The following EDC3 variants were observed in gnomAD, a reference collection of about 807,000 sequenced individuals.
EDC3 encodes enhancer of mRNA decapping 3.
Under a neutral mutation model 41.8 loss-of-function variants are expected in EDC3, and 20 were observed. The observed-to-expected ratio is 0.48, with a 90% CI of 0.34 to 0.70. The LOEUF (loss-of-function observed/expected upper bound fraction) is 0.70, where lower values mean the gene tolerates loss of function less well. Ranked by LOEUF, EDC3 falls within the 30% of genes least tolerant of loss-of-function variation. The pLI, the probability that EDC3 is intolerant of heterozygous loss-of-function variation, is 0.01. For missense variants in EDC3, 444 were observed against 636.8 expected, an observed-to-expected ratio of 0.70 and a Z score of 3.26; for synonymous variants, 206 against 243.2, an observed-to-expected ratio of 0.85 and a Z score of 1.42.
At chr15:74,662,246 T>C (rs1469044813) in intron 3 of EDC3, among the ~76,000 whole-genome samples, 1 of 152,130 alleles carries the variant, frequency 6.6e-6, no homozygotes, top group Non-Finnish European at 1.5e-5. Context: ...CTAGCACTTA[T>C]GCTACATTAC....
Position 74,670,010 on chromosome 15 carries a change from A to ATTT in EDC3, c.484+1442_484+1444dup, listed in dbSNP as rs757043746. On this transcript the variant is annotated intron_variant, in intron 3 of 6. Coordinates refer to ENST00000315127, the MANE Select transcript of EDC3 (RefSeq NM_025083.5). Reference sequence around the variant, plus strand: ...AGGTGCACGCTGCCACGCCCAGCTAATTTTTTTTTTTTTTTTTTTTTTTTT... The same window carrying ATTT: ...AGGTGCACGCTGCCACGCCCAGCTAATTTTTTTTTTTTTTTTTTTTTTTTTTTT... Among the ~76,000 whole-genome samples, 189 of 116,416 alleles carry ATTT rather than the reference A, an allele frequency of 1.6e-3. 1 individual carries two copies. The highest frequency in any genetic ancestry group is 4.5e-3 in the Middle Eastern group (1 of 220). The allele number at this position is 116,416 out of a possible 152,430, so 76.4% of individuals were successfully genotyped here. A position where few individuals can be genotyped will look rare whatever the true frequency, so the allele number is the denominator to read the frequency against.
At chr15:74,695,663 A>C (rs1035273133) in intron 1 of EDC3, 5 of 152,532 alleles carry the variant, frequency 3.3e-5, no homozygotes, top group Non-Finnish European at 7.3e-5. Context: ...TCCCCATACT[A>C]TTTAGAATCC....
intron 3 of EDC3, among the ~76,000 whole-genome samples, chr15:74,669,369 G>A (rs568400740): frequency 4.7e-5 from 7 of 149,426 alleles, no homozygotes; most frequent in African/African-American, 9.9e-5. Context: ...AAAATTAGCC[G>A]GGCATGGCAG....
chr15:74,653,255 C>G, intron 4 of EDC3, among the ~76,000 whole-genome samples: 1 of 151,138 alleles, frequency 6.6e-6, no homozygotes, highest in East Asian at 1.9e-4. Context: ...AAAAATCATA[C>G]TAGGTGATCA....
At chr15:74,677,357 G>GA (rs1178122471) in intron 1 of EDC3, among the ~76,000 whole-genome samples, 2,788 of 135,240 alleles carry the variant, frequency 0.021, 113 homozygotes, top group African/African-American at 0.075. Context: ...ACCATGCCCA[G>GA]CCTTTTTTTT....
At chr15:74,668,059 C>T (rs1049891150) in intron 3 of EDC3, among the ~76,000 whole-genome samples, 2 of 152,090 alleles carry the variant, frequency 1.3e-5, no homozygotes, top group African/African-American at 4.8e-5. Flanking sequence ...GGTACTTTAC[C>T]TCTGTTGTCT....
intron 4 of EDC3, chr15:74,642,315 A>C (rs920901374): frequency 6.6e-6 from 1 of 152,246 alleles, no homozygotes; most frequent in Non-Finnish European, 1.5e-5. Context: ...GGCAACAAAC[A>C]GTGCCATTAG....
At chr15:74,656,117 A>G (rs1352388544) in intron 3 of EDC3, 49 bp from the exon 4 acceptor site, 1 of 1,513,928 alleles carries the variant, frequency 6.6e-7, no homozygotes, top group Admixed American at 2.0e-5. Flanking sequence ...GAAAGCGCTC[A>G]GTGAACGTGG....
chr15:74,637,429 GAC>G (rs1308546723), intron 5 of EDC3: 1 of 152,214 alleles, frequency 6.6e-6, no homozygotes, highest in Non-Finnish European at 1.5e-5. Context: ...AGGTGCAGGA[GAC>G]ACCAGACACA....
intron 3 of EDC3, among the ~76,000 whole-genome samples, chr15:74,658,917 TGACAGAGTGA>T (rs2062586624): frequency 1.3e-5 from 2 of 151,788 alleles, no homozygotes; most frequent in African/African-American, 4.8e-5. Flanking sequence ...CCAGCCTGGG[TGACAGAGTGA>T]GACTCTGTCC....
chr15:74,675,619 T>C (rs1238145295), intron 1 of EDC3, among the ~76,000 whole-genome samples: 1 of 150,580 alleles, frequency 6.6e-6, no homozygotes, highest in Non-Finnish European at 1.5e-5. Flanking sequence ...GTTTCACTAT[T>C]GTTGCCCAGG....
chr15:74,686,065 G>A (rs140557859), intron 1 of EDC3, among the ~76,000 whole-genome samples: 3,555 of 152,084 alleles, frequency 0.023, 141 homozygotes, highest in African/African-American at 0.081. Flanking sequence ...AGTGGCTCAC[G>A]CCTGTAATCC....
At chr15:74,649,060 A>ATTTTTTTT (rs1184258510) in intron 4 of EDC3, among the ~76,000 whole-genome samples, 1 of 115,954 alleles carries the variant, frequency 8.6e-6, no homozygotes, top group Non-Finnish European at 1.7e-5. Flanking sequence ...ACCCTGGCTA[A>ATTTTTTTT]TTTTTTTTTT....
chr15:74,681,649 C>A (rs140453768), intron 1 of EDC3, among the ~76,000 whole-genome samples: 1 of 152,312 alleles, frequency 6.6e-6, no homozygotes, highest in East Asian at 1.9e-4. Context: ...CAATTCAATG[C>A]AGGCAGCATA....
At chr15:74,685,177 T>G (rs1328578934) in intron 1 of EDC3, among the ~76,000 whole-genome samples, 1 of 152,028 alleles carries the variant, frequency 6.6e-6, no homozygotes, top group Non-Finnish European at 1.5e-5. Context: ...GGCAGATGGC[T>G]TGAGTCCAGA....
intron 3 of EDC3, among the ~76,000 whole-genome samples, chr15:74,667,073 T>C (rs768777139): frequency 7.2e-5 from 11 of 152,104 alleles, no homozygotes; most frequent in Non-Finnish European, 1.6e-4. Flanking sequence ...ATAATTCTGA[T>C]ACCACTATAC....
chr15:74,659,980 G>A lies in EDC3; in HGVS notation c.485-3912C>T, dbSNP rs527548259. On this transcript the variant is annotated intron_variant, in intron 3 of 6. Transcript: ENST00000315127. ...GAATCGCTTGAACCCAGGAGGCAGAGATTGCAGTGAGCCGAGATCACGCCA... is the reference window on the plus strand; with the variant it reads ...GAATCGCTTGAACCCAGGAGGCAGAAATTGCAGTGAGCCGAGATCACGCCA... Among the ~76,000 whole-genome samples, 364 of 152,066 alleles carry A rather than the reference G, an allele frequency of 2.4e-3. 2 individuals carry two copies. Among genetic ancestry groups the A allele is most frequent in the Non-Finnish European group, 4.3e-3 (291 of 67,998 alleles).
intron 5 of EDC3, chr15:74,637,161 C>T (rs1403032356): frequency 6.6e-6 from 1 of 152,210 alleles, no homozygotes; most frequent in African/African-American, 2.4e-5. Flanking sequence ...CTGCATGGCA[C>T]CTGACATACA....
chr15:74,634,391 A>G (rs1433587929), intron 6 of EDC3, among the ~76,000 whole-genome samples: 2 of 151,416 alleles, frequency 1.3e-5, no homozygotes, highest in Non-Finnish European at 1.5e-5. Context: ...TTCTGTATCT[A>G]CTCTCTTCCT....
Sources: allele counts gnomAD v4.1 joint callset (sites outside exome capture counted in the v4.1 genomes callset), GRCh38; gene constraint gnomAD v4.1.1; transcripts MANE v1.5; gene names NCBI Gene and HGNC (gene_info 2026-07-23, HGNC 2026-07-21).